Variants in DYNC1H1 observed in about 807,000 individuals in gnomAD.
DYNC1H1 encodes dynein cytoplasmic 1 heavy chain 1.
A neutral mutation model predicts 527.1 loss-of-function variants in DYNC1H1; 51 were observed. That is an observed-to-expected ratio of 0.10 (90% CI 0.08 to 0.12). The LOEUF is 0.12. Ranked by LOEUF, DYNC1H1 falls within the 10% of genes least tolerant of loss-of-function variation. DYNC1H1 has a pLI of 1.00. For missense variants in DYNC1H1, 2,771 were observed against 5,971.8 expected (o/e 0.46, Z 17.66); for synonymous variants, 2,189 against 2,278.8 (o/e 0.96, Z 1.12).
In DYNC1H1 at chr14:102,020,507, G is replaced by T. The variant is rs17512523; in HGVS notation, c.8507+451G>T. Among the ~76,000 whole-genome samples, 1 of 152,258 alleles carries T rather than the reference G, an allele frequency of 6.6e-6. No individual in the cohort carries two copies. The highest frequency in any genetic ancestry group is 2.1e-4 in the South Asian group (1 of 4,826). On this transcript the variant is annotated intron_variant, in intron 42 of 77. Transcript: ENST00000360184. This position sits in a 1 kb window ranked among gnomAD's most constrained non-coding sequence, Gnocchi z 4.3. ...AACAACTGCCCAGTGTGCGTGTTCC[G>T]TAACCACCACCCCTCTTCCTGTTTC... is the stretch of plus-strand genomic sequence containing the variant.
Position 102,000,939 on chromosome 14 carries a change from T to C in DYNC1H1, c.4075-15T>C. 1 of 1,606,758 alleles carries C rather than the reference T, an allele frequency of 6.2e-7. No homozygotes were observed. Among genetic ancestry groups the C allele is most frequent in the East Asian group, 2.2e-5 (1 of 44,844 alleles). ...TGTTGGCAAGCTAAATAGCATCTTA[T>C]GTTTCTCTCGACAGCTTCGACAAAA... On this transcript the variant is annotated splice_polypyrimidine_tract_variant and intron_variant, in intron 18 of 77. Coordinates refer to ENST00000360184, the MANE Select transcript of DYNC1H1 (RefSeq NM_001376.5).
Position 101,975,651 on chromosome 14 carries a change from G to A in DYNC1H1, c.257-61G>A, listed in dbSNP as rs111502495. The stretch of plus-strand genomic sequence containing the variant: ...GGAGAAAATAGTCATTGTCTAAGCA[G>A]TTGATAAATAAGAAATTGGAAATGT... On this transcript the variant is annotated intron_variant, in intron 1 of 77. Transcript: ENST00000360184. 18 of 1,466,116 alleles carry A rather than the reference G, an allele frequency of 1.2e-5. No individual in the cohort carries two copies. In the African/African-American group the frequency reaches 2.1e-4, roughly 17 times the overall value. The allele number at this position is 1,466,116 out of a possible 1,614,324, so 90.8% of individuals were successfully genotyped here. A position where few individuals can be genotyped will look rare whatever the true frequency, so the allele number is the denominator to read the frequency against.
At chr14:101,988,943 G>T in intron 10 of DYNC1H1, 91 bp downstream of exon 10, 2 of 1,545,872 alleles carry the variant, frequency 1.3e-6, no homozygotes, top group South Asian at 2.3e-5. Context: ...ACTTAGTGTG[G>T]ACACCTGGCA....
rs549319387 is a variant in DYNC1H1 at position 101,979,593 on chromosome 14, C to T, written c.518+101C>T. ...AATTGGGAGGGTAACGCTAGTGAGC[C>T]GAGGGGATATAAACCCTGTGTATTA... is the stretch of plus-strand genomic sequence containing the variant. On this transcript the variant is annotated intron_variant, in intron 3 of 77. Transcript: ENST00000360184. The surrounding 1 kb of genome is among the most constrained non-coding windows in gnomAD (Gnocchi z 4.6). The T allele has an allele frequency of 5.7e-5, 92 of 1,604,432 alleles. No individual in the cohort carries two copies. In the African/African-American group the frequency reaches 9.8e-4, roughly 17 times the overall value.
chr14:102,016,126 G>T lies in DYNC1H1; in HGVS notation c.7473+40G>T. 1 of 1,567,696 alleles carries T rather than the reference G, an allele frequency of 6.4e-7. No homozygotes were observed. The highest frequency in any genetic ancestry group is 8.6e-7 in the Non-Finnish European group (1 of 1,156,612). On this transcript the variant is annotated intron_variant, in intron 36 of 77. Transcript: ENST00000360184. This position sits in a 1 kb window ranked among gnomAD's most constrained non-coding sequence, Gnocchi z 7.3. ...GGGGCTTCACAGAGCTCACCACTGC[G>T]CCAGACCACAGGTCTGAGGACCTCT... is the stretch of plus-strand genomic sequence containing the variant.
intron 72 of DYNC1H1, chr14:102,045,132 G>A (rs1170322142): frequency 3.3e-5 from 8 of 239,246 alleles, no homozygotes; most frequent in South Asian, 5.7e-5. Flanking sequence ...GCAAAACCTC[G>A]TCTCTACTAA....
rs1460948375 is a variant in DYNC1H1 at position 102,047,540 on chromosome 14, AATATATATATACACACACACACACATAT to A, written c.13007-269_13007-242del. On this transcript the variant is annotated intron_variant, in intron 72 of 77. Transcript: ENST00000360184. Reference sequence around the variant, plus strand: ...TGACAGAGCGAGACTCCATCTCAAAAATATATATATACACACACACACACATATATATATACATACACATACGTATATA... The same window carrying A: ...TGACAGAGCGAGACTCCATCTCAAAAATATATACATACACATACGTATATA... 3.9e-5 allele frequency: 8 copies of A among 206,644 alleles called. 1 individual carries two copies. In the East Asian group the frequency reaches 1.1e-3, roughly 28 times the overall value. The allele number at this position is 206,644 out of a possible 1,614,324, so 12.8% of individuals were successfully genotyped here.
chr14:102,032,519 A>C, intron 52 of DYNC1H1, 52 bp downstream of exon 52: 2 of 1,611,366 alleles, frequency 1.2e-6, no homozygotes, highest in Non-Finnish European at 1.7e-6. Flanking sequence ...TCAGTTGTTC[A>C]GGCCAGGCAC....
At chr14:101,981,229 T>C (rs528519098) in intron 5 of DYNC1H1, among the ~76,000 whole-genome samples, 5 of 152,296 alleles carry the variant, frequency 3.3e-5, no homozygotes, top group African/African-American at 1.2e-4. Flanking sequence ...GCTCAAGCCA[T>C]CCTCTCACCT....
intron 11 of DYNC1H1, 77 bp from the exon 12 acceptor site, chr14:101,994,107 T>C: frequency 6.2e-7 from 1 of 1,608,124 alleles, no homozygotes; most frequent in Non-Finnish European, 8.5e-7. Flanking sequence ...CAGTTCATTT[T>C]AATTAAGTAA....
intron 63 of DYNC1H1, 80 bp downstream of exon 63, chr14:102,040,490 A>T: frequency 6.2e-7 from 1 of 1,613,000 alleles, no homozygotes; most frequent in South Asian, 1.1e-5. Context: ...TGTGGTATAA[A>T]ACCCAGAATG....
chr14:101,976,126 C>T (rs1241270676), intron 2 of DYNC1H1, among the ~76,000 whole-genome samples: 1 of 150,538 alleles, frequency 6.6e-6, no homozygotes, highest in Non-Finnish European at 1.5e-5. Flanking sequence ...AGGCTGGTCT[C>T]GAACTCCTGA....
At chr14:102,048,809 T>C in intron 74 of DYNC1H1, 140 bp downstream of exon 74, 1 of 189,214 alleles carries the variant, frequency 5.3e-6, no homozygotes, top group Non-Finnish European at 9.7e-6. Context: ...GCTCTTACCC[T>C]CAAGGTGGGC....
chr14:102,001,436 G>A lies in DYNC1H1; in HGVS notation c.4395+82G>A. ...CTGAGCTATGTAAAAATGGAGCCTT[G>A]TCATCTGTGGTCCTTTTGGTTCTTA... On this transcript the variant is annotated intron_variant, in intron 20 of 77. Coordinates refer to ENST00000360184, the MANE Select transcript of DYNC1H1 (RefSeq NM_001376.5). This position sits in a 1 kb window ranked among gnomAD's most constrained non-coding sequence, Gnocchi z 5.0. 6.2e-7 allele frequency: 1 copy of A among 1,613,010 alleles called. No individual in the cohort carries two copies.
Position 102,017,931 on chromosome 14 carries a change from C to T in DYNC1H1, c.8177+427C>T. 3.4e-6 allele frequency: 1 copy of T among 290,844 alleles called. No homozygotes were observed. The highest frequency in any genetic ancestry group is 6.6e-6 in the Non-Finnish European group (1 of 151,004). 18.0% of individuals were successfully genotyped at this position (290,844 alleles called of 1,614,324 possible). A position where few individuals can be genotyped will look rare whatever the true frequency, so the allele number is the denominator to read the frequency against. The stretch of plus-strand genomic sequence containing the variant: ...GCCATCCTGGCTAACACGGTGAAAC[C>T]CCATCTCTACTAAAAATACAAAAAA... On this transcript the variant is annotated intron_variant, in intron 40 of 77. Transcript: ENST00000360184. The surrounding 1 kb of genome is among the most constrained non-coding windows in gnomAD (Gnocchi z 4.6).
Position 102,042,798 on chromosome 14 carries a change from A to T in DYNC1H1, c.12513+50A>T. On this transcript the variant is annotated intron_variant, in intron 69 of 77. Transcript: ENST00000360184. The surrounding 1 kb of genome is among the most constrained non-coding windows in gnomAD (Gnocchi z 5.7). ...GCTTTCCCCATAGAAGCTAAAGCCC[A>T]GTCCCATCACCAAATGCAGAAGTGG... is the stretch of plus-strand genomic sequence containing the variant. 6.2e-7 allele frequency: 1 copy of T among 1,600,080 alleles called. No homozygotes were observed. Among genetic ancestry groups the T allele is most frequent in the Non-Finnish European group, 8.5e-7 (1 of 1,171,616 alleles).
Position 101,986,821 on chromosome 14 carries a change from AG to A in DYNC1H1, c.2538+59del. 1.3e-6 allele frequency: 2 copies of A among 1,595,444 alleles called. No homozygotes were observed. The highest frequency in any genetic ancestry group is 2.2e-5 in the South Asian group (2 of 90,368). ...TAACGAATGAAGCACAGTAATAGCG[AG>A]CTCAGTTAAAACACTAGTTCTCCCG... On this transcript the variant is annotated intron_variant, in intron 8 of 77. Coordinates refer to ENST00000360184, the MANE Select transcript of DYNC1H1 (RefSeq NM_001376.5). The surrounding 1 kb of genome is among the most constrained non-coding windows in gnomAD (Gnocchi z 8.7).
chr14:101,996,368 G>A (rs964312421), intron 15 of DYNC1H1, among the ~76,000 whole-genome samples: 2 of 152,042 alleles, frequency 1.3e-5, no homozygotes, highest in Admixed American at 6.5e-5. Context: ...GGCCTCAAGT[G>A]ATCTGCCCGC....
Position 102,033,966 on chromosome 14 carries a change from T to C in DYNC1H1, c.10414-10T>C. 6.2e-7 allele frequency: 1 copy of C among 1,613,810 alleles called. No individual in the cohort carries two copies. The highest frequency in any genetic ancestry group is 8.5e-7 in the Non-Finnish European group (1 of 1,180,026). Reference sequence around the variant, plus strand: ...TCATCCCTGAGCATCTTGTTCGGTTTTCCTTTTAGGTAAACCGGAGCACTG... The same window carrying C: ...TCATCCCTGAGCATCTTGTTCGGTTCTCCTTTTAGGTAAACCGGAGCACTG... On this transcript the variant is annotated splice_polypyrimidine_tract_variant and intron_variant, in intron 54 of 77. Coordinates refer to ENST00000360184, the MANE Select transcript of DYNC1H1 (RefSeq NM_001376.5). This position sits in a 1 kb window ranked among gnomAD's most constrained non-coding sequence, Gnocchi z 5.6.
Sources: gnomAD v4.1 joint callset for allele counts (sites outside exome capture counted in the v4.1 genomes callset) on GRCh38, gnomAD v4.1.1 for gene constraint, Gnocchi (gnomAD v3.1) non-coding constraint, MANE v1.5 for transcripts, NCBI Gene and HGNC (gene_info 2026-07-23, HGNC 2026-07-21) for gene names.